Variants in TNS2 observed in about 807,000 individuals in gnomAD.
TNS2 encodes the protein tensin 2.
A neutral mutation model predicts 155.7 loss-of-function variants in TNS2; 77 were observed. The ratio of observed to expected loss-of-function variants is 0.49; its 90% CI spans 0.41 to 0.60. TNS2 has a LOEUF of 0.60. Among genes scored for constraint, TNS2 ranks in the 20% least tolerant of loss-of-function variants. The pLI is 0.00. For missense variants in TNS2, 1,703 were observed against 1,868.8 expected, an observed-to-expected ratio of 0.91 and a Z score of 1.64; for synonymous variants, 726 against 763.9, an observed-to-expected ratio of 0.95 and a Z score of 0.82.
chr12:53,058,766 G>A lies in TNS2; in HGVS notation c.1344G>A (p.Glu448=). Residue 448 remains glutamate, a synonymous_variant, in exon 17 of 29, where the codon GAG becomes GAA. Transcript: ENST00000314250. ...PSVSVDYNTT[E]PAVRWDSYEN... is the part of the protein sequence containing the mutation. ...TCTCTGTCGACTACAACACCACTGA[G>A]CCAGCCGTGCGCTGGGACTCCTATG... 4 of 1,613,980 alleles carry A rather than the reference G, an allele frequency of 2.5e-6. No individual in the cohort carries two copies. Among genetic ancestry groups the A allele is most frequent in the Non-Finnish European group, 3.4e-6 (4 of 1,180,008 alleles).
chr12:53,060,146 C>T lies in TNS2; in HGVS notation c.2505C>T (p.Ser835=), dbSNP rs774000656. 2.5e-6 allele frequency: 4 copies of T among 1,609,562 alleles called. No individual in the cohort carries two copies. Among genetic ancestry groups the T allele is most frequent in the Non-Finnish European group, 3.4e-6 (4 of 1,177,974 alleles). ...SPRAGSISPG[S]PPYPQSRKLS... ...GGGCTGGCTCCATTTCCCCGGGCAG[C>T]CCGCCCTATCCACAATCTAGGAAGC... Residue 835 remains serine, a synonymous_variant, in exon 18 of 29, where the codon AGC becomes AGT. Transcript: ENST00000314250. This position sits in a 1 kb window ranked among gnomAD's most constrained non-coding sequence, Gnocchi z 6.1.
In TNS2 at chr12:53,062,438, C is replaced by T. The variant is rs372825971; in HGVS notation, c.3730C>T (p.Arg1244Cys). 5.0e-6 allele frequency: 8 copies of T among 1,613,898 alleles called. No homozygotes were observed. In the East Asian group the frequency reaches 6.7e-5, roughly 13 times the overall value. Residue 1244 changes from arginine (R) to cysteine (C), a missense_variant, in exon 24 of 29, where the codon CGC becomes TGC. By Grantham distance (180) the Arg-to-Cys change is radical. Transcript: ENST00000314250. Reference sequence around the variant, plus strand: ...CCCCATCTCCCTGCCCTGCTGCCTGCGCATTCCCAGCAAAGGTGAGTGTCT... The same window carrying T: ...CCCCATCTCCCTGCCCTGCTGCCTGTGCATTCCCAGCAAAGGTGAGTGTCT... ...ISPISLPCCL[R>C]IPSKDPLEET...
chr12:53,059,498 G>A lies in TNS2; in HGVS notation c.1857G>A (p.Arg619=). The A allele has an allele frequency of 6.4e-7, 1 of 1,570,188 alleles. No homozygotes were observed. The highest frequency in any genetic ancestry group is 1.2e-5 in the South Asian group (1 of 84,330). ...YYRPEGTLER[R]RLAYGGYEGS... is the part of the protein sequence containing the mutation. Reference sequence around the variant, plus strand: ...GGCCAGAGGGAACCCTGGAGAGGAGGCGACTGGCCTACGGGGGCTATGAGG... The same window carrying A: ...GGCCAGAGGGAACCCTGGAGAGGAGACGACTGGCCTACGGGGGCTATGAGG... Residue 619 remains arginine, a synonymous_variant, in exon 18 of 29, where the codon AGG becomes AGA. Transcript: ENST00000314250. This position sits in a 1 kb window ranked among gnomAD's most constrained non-coding sequence, Gnocchi z 4.7.
chr12:53,053,382 G>GCTC (rs1272193985), intron 3 of TNS2, 29 bp from the exon 4 acceptor site: 1 of 1,613,768 alleles, frequency 6.2e-7, no homozygotes, highest in African/African-American at 1.3e-5. Context: ...TTCACCAGGA[G>GCTC]CTCAGTTCCT....
chr12:53,062,491 AC>A (rs758892305), intron 24 of TNS2, 38 bp downstream of exon 24: 4 of 1,609,924 alleles, frequency 2.5e-6, no homozygotes, highest in African/African-American at 2.7e-5. Flanking sequence ...ACCTCTCCCT[AC>A]CCCCTGCAGC....
rs765296335 is a variant in TNS2, at chr12:53,063,893, CA to C, written c.*13del. The C allele has an allele frequency of 1.9e-5, 30 of 1,613,456 alleles. No homozygotes were observed. In the South Asian group the frequency reaches 3.0e-4, roughly 16 times the overall value. On this transcript the variant is annotated 3_prime_UTR_variant, in exon 29 of 29. Transcript: ENST00000314250. The surrounding 1 kb of genome is among the most constrained non-coding windows in gnomAD (Gnocchi z 5.6). ...GGCCAGAGAAAATGAAGGAAGGCCA[CA>C]AGCTCAGAGCCCACATCAACACTGC...
intron 13 of TNS2, 43 bp downstream of exon 13, chr12:53,057,876 G>GT (rs1565606823): frequency 1.2e-6 from 2 of 1,613,192 alleles, no homozygotes; most frequent in Admixed American, 1.7e-5. Flanking sequence ...CATGACCAGG[G>GT]CCCCTCTTGC....
rs117470355 is a variant in TNS2 at position 53,055,165 on chromosome 12, A to T, written c.523-21A>T. ...ATTGCCGGAGATCATTTCTGTCTAA[A>T]GCCCTCCCCCTTTATTTCAGCTCTT... On this transcript the variant is annotated intron_variant, in intron 7 of 28. Coordinates refer to ENST00000314250, the MANE Select transcript of TNS2 (RefSeq NM_170754.4). 1,669 of 1,613,616 alleles carry T rather than the reference A, an allele frequency of 1.0e-3. 29 individuals are homozygous for T. In the East Asian group the frequency reaches 0.03, roughly 29 times the overall value.
intron 25 of TNS2, 65 bp downstream of exon 25, chr12:53,062,762 G>A: frequency 6.3e-7 from 1 of 1,580,480 alleles, no homozygotes; most frequent in South Asian, 1.1e-5. Context: ...TGGATACAGG[G>A]CATGGGGCAC....
chr12:53,049,145 T>C (rs534289067), upstream of TNS2: 15 of 1,553,544 alleles, frequency 9.7e-6, no homozygotes, highest in Middle Eastern at 1.7e-4. Flanking sequence ...CGGAGGCCCA[T>C]GGATGGGGGT....
rs141263103 is a variant in TNS2, at chr12:53,060,603, T to C, written c.2768+48T>C. On this transcript the variant is annotated intron_variant, in intron 19 of 28. Coordinates refer to ENST00000314250, the MANE Select transcript of TNS2 (RefSeq NM_170754.4). This position sits in a 1 kb window ranked among gnomAD's most constrained non-coding sequence, Gnocchi z 6.1. ...CTCGAGTGCTTTCTTGTCCAAGCAG[T>C]TGATGAAGGCAGGTGGGGTGGGAGC... 16 of 1,600,078 alleles carry C rather than the reference T, an allele frequency of 1.0e-5. No homozygotes were observed. The African/African-American group carries it at 1.2e-4, about 12-fold the overall frequency.
chr12:53,050,508 TCC>T lies in TNS2; in HGVS notation c.75+249_75+250del, dbSNP rs1410550931. Among the ~76,000 whole-genome samples the T allele has an allele frequency of 6.6e-6, 1 of 151,922 alleles. No homozygotes were observed. Among genetic ancestry groups the T allele is most frequent in the Non-Finnish European group, 1.5e-5 (1 of 67,958 alleles). On this transcript the variant is annotated intron_variant, in intron 1 of 28. Transcript: ENST00000314250. This position sits in a 1 kb window ranked among gnomAD's most constrained non-coding sequence, Gnocchi z 4.7. ...TCTAGCCTGGGCCAACCCCAGGAGG[TCC>T]TGGCCCCCCAACATAAGCCCCAGGT... is the stretch of plus-strand genomic sequence containing the variant.
Position 53,060,852 on chromosome 12 carries a change from G to A in TNS2, c.2946G>A (p.Ser982=), listed in dbSNP as rs774166595. 6 of 1,597,994 alleles carry A rather than the reference G, an allele frequency of 3.8e-6. No individual in the cohort carries two copies. In the South Asian group the frequency reaches 4.4e-5, roughly 12 times the overall value. ...SPVSPTFPPS[S]PSDWPQERSP... is the part of the protein sequence containing the mutation. The stretch of plus-strand genomic sequence containing the variant: ...TCTCTCCGACCTTCCCTCCCAGCTC[G>A]CCCAGTGACTGGCCTCAGGAAAGGA... Residue 982 remains serine (S), a synonymous_variant, in exon 20 of 29, where the codon TCG becomes TCA. Coordinates refer to ENST00000314250, the MANE Select transcript of TNS2 (RefSeq NM_170754.4). This position sits in a 1 kb window ranked among gnomAD's most constrained non-coding sequence, Gnocchi z 6.1.
chr12:53,055,841 G>T lies in TNS2; in HGVS notation c.757G>T (p.Ala253Ser), dbSNP rs1422473771. The change falls in exon 10 of 29, where the codon GCA becomes TCA. Residue 253 changes from alanine (A) to serine (S), a missense_variant. Ala to Ser is a moderately conservative substitution (Grantham distance 99, BLOSUM62 1). Transcript: ENST00000314250. ...CTACATGCACTACAGCAAGATCTCT[G>T]CAGGGTGAGGCTCCCAGCGCCTGAG... Reference protein sequence around the residue: ...SAYMHYSKISAGADQALATLT... With the variant: ...SAYMHYSKISSGADQALATLT... The T allele has an allele frequency of 1.2e-6, 2 of 1,610,676 alleles. No individual in the cohort carries two copies. Among genetic ancestry groups the T allele is most frequent in the South Asian group, 1.1e-5 (1 of 90,950 alleles).
At chr12:53,057,708 G>A (rs759909676) in intron 12 of TNS2, 29 bp downstream of exon 12, 38 of 1,613,736 alleles carry the variant, frequency 2.4e-5, no homozygotes, top group Non-Finnish European at 3.1e-5. Flanking sequence ...TGCTCCCTAG[G>A]GAGAACCACC....
Position 53,063,964 on chromosome 12 carries a change from C to T in TNS2, c.*82C>T. The T allele has an allele frequency of 1.4e-6, 2 of 1,471,332 alleles. No homozygotes were observed. Among genetic ancestry groups the T allele is most frequent in the East Asian group, 2.3e-5 (1 of 43,760 alleles). 91.1% of individuals were successfully genotyped at this position (1,471,332 alleles called of 1,614,324 possible). A position where few individuals can be genotyped will look rare whatever the true frequency, so the allele number is the denominator to read the frequency against. On this transcript the variant is annotated 3_prime_UTR_variant, in exon 29 of 29. Transcript: ENST00000314250. This position sits in a 1 kb window ranked among gnomAD's most constrained non-coding sequence, Gnocchi z 5.6. ...AGCCCTCACATCCCCTGGCCTGGAC[C>T]CAGGAGACCCAGGAGAAAGCACCCT... is the stretch of plus-strand genomic sequence containing the variant.
chr12:53,063,812 T>A lies in TNS2; in HGVS notation c.4160T>A (p.Leu1387His), dbSNP rs781399585. ...AATGTGTGTCACCTCTTTGCAGAGC[T>A]TGACCCAGATCAGCCTGCTGGCGCC... The part of the protein sequence containing the change: ...WENVCHLFAE[L>H]DPDQPAGAIV... The change falls in exon 29 of 29, where the codon CTT (leucine) becomes CAT (histidine). Residue 1387 changes from leucine to histidine, a missense_variant. By Grantham distance (99) the Leu-to-His change is moderately conservative. Coordinates refer to ENST00000314250, the MANE Select transcript of TNS2 (RefSeq NM_170754.4). This position sits in a 1 kb window ranked among gnomAD's most constrained non-coding sequence, Gnocchi z 5.6. 6 of 1,614,186 alleles carry A rather than the reference T, an allele frequency of 3.7e-6. No individual in the cohort carries two copies. The Admixed American group carries it at 1.0e-4, about 27-fold the overall frequency.
chr12:53,060,098 C>A lies in TNS2; in HGVS notation c.2457C>A (p.Pro819=). ...CGSPGEGRGY[P]SPGAHSPRAG... is the part of the protein sequence containing the mutation. Reference sequence around the variant, plus strand: ...CTCCAGGAGAGGGCAGAGGGTATCCCAGCCCTGGTGCCCACTCCCCACGGG... The same window carrying A: ...CTCCAGGAGAGGGCAGAGGGTATCCAAGCCCTGGTGCCCACTCCCCACGGG... Residue 819 remains proline, a synonymous_variant, in exon 18 of 29, where the codon CCC becomes CCA. Transcript: ENST00000314250. The surrounding 1 kb of genome is among the most constrained non-coding windows in gnomAD (Gnocchi z 6.1). 1 of 1,611,280 alleles carries A rather than the reference C, an allele frequency of 6.2e-7. No homozygotes were observed.
At chr12:53,058,284 G>C (rs761414422) in intron 14 of TNS2, 32 bp from the exon 15 acceptor site, 1 of 1,612,218 alleles carries the variant, frequency 6.2e-7, no homozygotes, top group Non-Finnish European at 8.5e-7. Flanking sequence ...AGGACATGAG[G>C]CCTGATCCGC....
Sources: gnomAD v4.1 joint callset for allele counts (sites outside exome capture counted in the v4.1 genomes callset) on GRCh38, gnomAD v4.1.1 for gene constraint, Gnocchi (gnomAD v3.1) non-coding constraint, MANE v1.5 for transcripts, NCBI Gene and HGNC (gene_info 2026-07-23, HGNC 2026-07-21) for gene names.